Variants in UBE2Q2 observed in about 807,000 individuals in gnomAD.
The protein encoded by UBE2Q2 is ubiquitin conjugating enzyme E2 Q2.
Under a neutral mutation model 59.9 loss-of-function variants are expected in UBE2Q2, and 54 were observed. The observed-to-expected ratio is 0.90, with a 90% confidence interval of 0.72 to 1.13. The LOEUF (loss-of-function observed/expected upper bound fraction) is 1.13. Ranked by LOEUF, UBE2Q2 falls within the 50% of genes most tolerant of loss-of-function variation. The probability of loss-of-function intolerance (pLI) is 0.00; values close to 1 mark genes in which losing one functional copy is unlikely to be tolerated. For missense variants in UBE2Q2, 433 were observed against 441.9 expected (o/e 0.98, Z 0.18); for synonymous variants, 165 against 155.2 (o/e 1.06, Z -0.47).
In UBE2Q2 at chr15:75,899,742, AAAGCAGCC is replaced by A. The variant is rs1899653116; in HGVS notation, c.*288_*295del. The A allele has an allele frequency of 4.7e-6, 1 of 212,726 alleles. No individual in the cohort carries two copies. Among genetic ancestry groups the A allele is most frequent in the Non-Finnish European group, 9.3e-6 (1 of 108,074 alleles). The allele number at this position is 212,726 out of a possible 1,614,324, so 13.2% of individuals were successfully genotyped here. On this transcript the variant is annotated 3_prime_UTR_variant, in exon 13 of 13. Coordinates refer to ENST00000267938, the MANE Select transcript of UBE2Q2 (RefSeq NM_173469.4). Reference sequence around the variant, plus strand: ...CTTTTTCTTGAAAAGTGAACTTTTTAAAGCAGCCAAGTCAACATCAGGCTACTGAAGTT... The same window carrying A: ...CTTTTTCTTGAAAAGTGAACTTTTTAAAGTCAACATCAGGCTACTGAAGTT...
At chr15:75,898,603 G>A (rs1363944420) in intron 12 of UBE2Q2, among the ~76,000 whole-genome samples, 1 of 152,174 alleles carries the variant, frequency 6.6e-6, no homozygotes, top group Non-Finnish European at 1.5e-5. Flanking sequence ...ATGGATTCTA[G>A]TTTGGCCTGC....
chr15:75,872,202 G>A (rs928565563), intron 4 of UBE2Q2, among the ~76,000 whole-genome samples: 5 of 151,792 alleles, frequency 3.3e-5, no homozygotes, highest in African/African-American at 1.2e-4. Context: ...TACTCCAGCC[G>A]GGGCAACGGA....
intron 8 of UBE2Q2, among the ~76,000 whole-genome samples, chr15:75,882,109 C>T (rs1352298334): frequency 1.3e-5 from 2 of 152,132 alleles, no homozygotes; most frequent in Non-Finnish European, 2.9e-5. Context: ...AGTCAAATTA[C>T]AAAGAGGTGA....
chr15:75,843,756 G>A lies in UBE2Q2; in HGVS notation c.90G>A (p.Lys30=). The A allele has an allele frequency of 6.2e-7, 1 of 1,610,938 alleles. No individual in the cohort carries two copies. The highest frequency in any genetic ancestry group is 8.5e-7 in the Non-Finnish European group (1 of 1,178,976). The change falls in exon 1 of 13, where the codon AAG becomes AAA. Residue 30 remains lysine (K), a synonymous_variant. Transcript: ENST00000267938. The part of the protein sequence containing the change: ...NHERFRIVSW[K]LDELHCQFLV... Reference sequence around the variant, plus strand: ...AGCGATTCCGCATCGTCAGTTGGAAGCTGGACGAGCTGCACTGCCAGTTCC... The same window carrying A: ...AGCGATTCCGCATCGTCAGTTGGAAACTGGACGAGCTGCACTGCCAGTTCC...
At chr15:75,894,282 A>G (rs1899269755) in intron 11 of UBE2Q2, among the ~76,000 whole-genome samples, 1 of 152,164 alleles carries the variant, frequency 6.6e-6, no homozygotes, top group African/African-American at 2.4e-5. Flanking sequence ...AAAAACCTGA[A>G]GGAGGCCAGG....
chr15:75,895,459 A>G (rs1426043738), intron 11 of UBE2Q2, among the ~76,000 whole-genome samples: 2 of 152,068 alleles, frequency 1.3e-5, no homozygotes, highest in East Asian at 3.9e-4. Context: ...CTGGGATTAC[A>G]GGTGTGAGCC....
intron 6 of UBE2Q2, among the ~76,000 whole-genome samples, chr15:75,877,235 C>T (rs932710768): frequency 2.7e-5 from 4 of 146,760 alleles, no homozygotes; most frequent in African/African-American, 5.0e-5. Flanking sequence ...GAATTCTTAG[C>T]GTGAGCAAAT....
At chr15:75,844,312 C>T in intron 1 of UBE2Q2, 1 of 1,548,270 alleles carries the variant, frequency 6.5e-7, no homozygotes, top group African/African-American at 1.4e-5. Flanking sequence ...CCCGCTTGTT[C>T]AGCCAATTGT....
At position 75,895,603 on chromosome 15, in the gene UBE2Q2, C is replaced by T. The variant is rs190114627; in HGVS notation, c.1030-1392C>T. Among the ~76,000 whole-genome samples the T allele has an allele frequency of 1.9e-3, 289 of 151,944 alleles. 6 individuals carry two copies. Among genetic ancestry groups the T allele is most frequent in the African/African-American group, 6.4e-3 (264 of 41,432 alleles). On this transcript the variant is annotated intron_variant, in intron 11 of 12. Transcript: ENST00000267938. The stretch of plus-strand genomic sequence containing the variant: ...AATAGGAAAAGGGGGTATAAAAAGT[C>T]TGTTTACAGAAATAGAAATAAATGG...
intron 1 of UBE2Q2, among the ~76,000 whole-genome samples, chr15:75,848,072 CT>C (rs1159189683): frequency 1.3e-5 from 2 of 152,074 alleles, no homozygotes; most frequent in African/African-American, 4.8e-5. Context: ...TAGTTAGGAG[CT>C]TAAGTAAGTC....
Position 75,899,658 on chromosome 15 carries a change from G to GAATGAAAAAAAA in UBE2Q2, c.*200_*201insAATGAAAAAAAA. On this transcript the variant is annotated 3_prime_UTR_variant, in exon 13 of 13. Transcript: ENST00000267938. ...GCTCATTTTAGATATCTTGGACTGA[G>GAATGAAAAAAAA]CAGTGGGGCCTTTACTGTATTTTTC... 2.8e-6 allele frequency: 1 copy of GAATGAAAAAAAA among 361,980 alleles called. No homozygotes were observed. 22.4% of individuals were successfully genotyped at this position (361,980 alleles called of 1,614,324 possible).
intron 5 of UBE2Q2, among the ~76,000 whole-genome samples, chr15:75,875,533 C>G (rs1460224635): frequency 6.6e-6 from 1 of 152,120 alleles, no homozygotes; most frequent in African/African-American, 2.4e-5. Flanking sequence ...GAATGGAACT[C>G]TATTTTAGTA....
intron 7 of UBE2Q2, 137 bp downstream of exon 7, chr15:75,878,158 C>G: frequency 1.5e-6 from 1 of 670,868 alleles, no homozygotes; most frequent in Non-Finnish European, 2.4e-6. Context: ...AGAAATAGTT[C>G]TTAGATTGTT....
At position 75,897,059 on chromosome 15, in the gene UBE2Q2, A is replaced by G. The variant is rs1302188983; in HGVS notation, c.1094A>G (p.Asn365Ser). The G allele has an allele frequency of 1.9e-6, 3 of 1,555,008 alleles. No homozygotes were observed. The South Asian group carries it at 3.6e-5, about 19-fold the overall frequency. ...TCCATTGTACAGATACATGAGAAAA[A>G]TGGTATGTTTAATTCAATAAGTGTT... ...YNSIVQIHEK[N>S]GWYTPPKEDG The change falls in exon 12 of 13, where the codon AAT (asparagine) becomes AGT (serine). Residue 365 changes from asparagine to serine, a missense_variant and splice_region_variant. Physicochemically the swap from Asn to Ser is conservative, Grantham distance 46. Coordinates refer to ENST00000267938, the MANE Select transcript of UBE2Q2 (RefSeq NM_173469.4).
intron 1 of UBE2Q2, among the ~76,000 whole-genome samples, chr15:75,847,333 A>G (rs1220033345): frequency 1.3e-5 from 2 of 152,180 alleles, no homozygotes; most frequent in South Asian, 2.1e-4. Context: ...AAAGGTCTCT[A>G]AGGGCTTGAT....
intron 1 of UBE2Q2, among the ~76,000 whole-genome samples, chr15:75,852,713 A>C (rs1393147611): frequency 6.6e-6 from 1 of 152,232 alleles, no homozygotes; most frequent in African/African-American, 2.4e-5. Flanking sequence ...GAAGAATTTG[A>C]AGAAGAAAAT....
At chr15:75,874,579 C>T (rs765797422) in intron 5 of UBE2Q2, among the ~76,000 whole-genome samples, 57 of 152,082 alleles carry the variant, frequency 3.7e-4, no homozygotes, top group Admixed American at 2.0e-4. Context: ...CCACTGTGTC[C>T]GGCCACAACT....
intron 2 of UBE2Q2, 65 bp downstream of exon 2, chr15:75,854,552 TAA>T (rs1896806171): frequency 2.1e-6 from 2 of 938,166 alleles, no homozygotes; most frequent in Non-Finnish European, 3.2e-6. Flanking sequence ...AATTAAATGT[TAA>T]GAGATAATAT....
intron 3 of UBE2Q2, among the ~76,000 whole-genome samples, chr15:75,861,570 C>G (rs1444727208): frequency 2.0e-5 from 3 of 152,014 alleles, no homozygotes; most frequent in Admixed American, 2.0e-4. Flanking sequence ...TTTATTTGTT[C>G]ATTTTGAAGT....
Sources: allele counts gnomAD v4.1 joint callset (sites outside exome capture counted in the v4.1 genomes callset), GRCh38; gene constraint gnomAD v4.1.1; transcripts MANE v1.5; gene names NCBI Gene and HGNC (gene_info 2026-07-23, HGNC 2026-07-21).